Variants in CACNA2D4 observed in about 807,000 individuals in gnomAD.
CACNA2D4 encodes voltage-dependent calcium channel subunit alpha-2/delta-4.
In CACNA2D4, 157 loss-of-function variants were observed where a neutral mutation model predicts 163.8. The observed-to-expected ratio is 0.96, with a 90% CI of 0.84 to 1.09. The LOEUF (loss-of-function observed/expected upper bound fraction) is 1.09. CACNA2D4 is among the 50% of genes least tolerant of loss of function. The pLI is 0.00. For missense variants in CACNA2D4, 1,410 were observed against 1,479.9 expected (o/e 0.95, Z 0.78); for synonymous variants, 598 against 586.9 (o/e 1.02, Z -0.27).
intron 36 of CACNA2D4, 131 bp downstream of exon 36, chr12:1,795,537 A>T: frequency 1.1e-6 from 1 of 919,830 alleles, no homozygotes; most frequent in Non-Finnish European, 1.7e-6. Context: ...GGGTTAGAGA[A>T]CAAATAACGG....
chr12:1,914,260 C>A (rs1156651357), intron 2 of CACNA2D4, among the ~76,000 whole-genome samples: 1 of 152,218 alleles, frequency 6.6e-6, no homozygotes, highest in East Asian at 1.9e-4. Flanking sequence ...GAAGGGTGAG[C>A]TGCCATTGGA....
At chr12:1,827,096 G>T (rs1253866653) in intron 26 of CACNA2D4, among the ~76,000 whole-genome samples, 1 of 152,196 alleles carries the variant, frequency 6.6e-6, no homozygotes, top group African/African-American at 2.4e-5. Context: ...CGTGGAGGGC[G>T]AAGGAGAGGG....
chr12:1,809,304 G>T, intron 29 of CACNA2D4: 1 of 558,490 alleles, frequency 1.8e-6, no homozygotes, highest in Non-Finnish European at 3.1e-6. Flanking sequence ...CACATCCCAG[G>T]AACTTAGAGC....
chr12:1,858,631 G>A lies in CACNA2D4; in HGVS notation c.1954C>T (p.Leu652=). 1 of 1,606,834 alleles carries A rather than the reference G, an allele frequency of 6.2e-7. No individual in the cohort carries two copies. Among genetic ancestry groups the A allele is most frequent in the South Asian group, 1.1e-5 (1 of 89,976 alleles). The change falls in exon 20 of 38, where the codon CTG becomes TTG. Residue 652 remains leucine (L), a synonymous_variant. Transcript: ENST00000382722. Reference sequence around the variant, plus strand: ...ATGTATTCTCCGTGGCCCCGGGACAGCACCACCCCCAAACTGTGGGGAGAG... The same window carrying A: ...ATGTATTCTCCGTGGCCCCGGGACAACACCACCCCCAAACTGTGGGGAGAG... The part of the protein sequence containing the change: ...SDTPFSLGVV[L]SRGHGEYILL...
chr12:1,913,905 A>C (rs1866895112), intron 2 of CACNA2D4, among the ~76,000 whole-genome samples: 1 of 152,262 alleles, frequency 6.6e-6, no homozygotes, highest in Non-Finnish European at 1.5e-5. Flanking sequence ...GATTTTACAG[A>C]ATGTTTTTAC....
intron 20 of CACNA2D4, among the ~76,000 whole-genome samples, 198 bp from the exon 21 acceptor site, chr12:1,856,427 T>G (rs943401521): frequency 2.4e-4 from 36 of 152,252 alleles, no homozygotes; most frequent in African/African-American, 8.4e-4. Context: ...TCTCATTGTT[T>G]CATGTCCAAA....
chr12:1,860,505 G>C (rs1865500695), intron 18 of CACNA2D4, among the ~76,000 whole-genome samples: 1 of 152,234 alleles, frequency 6.6e-6, no homozygotes, highest in African/African-American at 2.4e-5. Context: ...GTGTGGCCAA[G>C]GAACTGAATT....
chr12:1,853,967 C>T lies in CACNA2D4; in HGVS notation c.2230G>A (p.Ala744Thr). 1 of 1,613,204 alleles carries T rather than the reference C, an allele frequency of 6.2e-7. No homozygotes were observed. The highest frequency in any genetic ancestry group is 8.5e-7 in the Non-Finnish European group (1 of 1,179,484). Residue 744 changes from alanine (A) to threonine (T), a missense_variant, in exon 23 of 38, where the codon GCC becomes ACC. Ala to Thr is a moderately conservative substitution (Grantham distance 58, BLOSUM62 0). Coordinates refer to ENST00000382722, the MANE Select transcript of CACNA2D4 (RefSeq NM_172364.5). ...APMEAYWTAL[A>T]LNMSEESEHV... ...TGGACCTACTCGGACATGTTGAGGG[C>T]CAGCGCTGTCCAGTAGGCTTCCATG... is the stretch of plus-strand genomic sequence containing the variant.
chr12:1,851,579 T>G (rs1341652098), intron 23 of CACNA2D4, among the ~76,000 whole-genome samples: 1 of 151,996 alleles, frequency 6.6e-6, no homozygotes, highest in Non-Finnish European at 1.5e-5. Context: ...TTTATAAACC[T>G]CAGAGGCTTT....
Position 1,829,702 on chromosome 12 carries a change from G to A in CACNA2D4, c.2551+11037C>T, listed in dbSNP as rs990532001. 4.1e-5 allele frequency among the ~76,000 whole-genome samples: 6 copies of A among 145,768 alleles called. No homozygotes were observed. Among genetic ancestry groups the A allele is most frequent in the Non-Finnish European group, 7.5e-5 (5 of 66,460 alleles). On this transcript the variant is annotated intron_variant, in intron 26 of 37. Coordinates refer to ENST00000382722, the MANE Select transcript of CACNA2D4 (RefSeq NM_172364.5). The surrounding 1 kb of genome is among the most constrained non-coding windows in gnomAD (Gnocchi z 4.2). ...AGCTCACAGCCCATCGGCCCACCCC[G>A]ACCTGGGACAGCCAGGTCCCAGGTC...
intron 26 of CACNA2D4, chr12:1,831,231 C>T: frequency 6.2e-7 from 1 of 1,613,864 alleles, no homozygotes; most frequent in Non-Finnish European, 8.5e-7. Flanking sequence ...GACTGAGCTT[C>T]AGCTGCGCAA....
chr12:1,841,224 G>A (rs887201531), intron 25 of CACNA2D4, among the ~76,000 whole-genome samples: 4 of 152,238 alleles, frequency 2.6e-5, no homozygotes, highest in Admixed American at 6.5e-5. Flanking sequence ...GTGAGTCTGC[G>A]TGAGTCAGGG....
rs181143444 is a variant in CACNA2D4, at chr12:1,839,968, C to T, written c.2551+771G>A. On this transcript the variant is annotated intron_variant, in intron 26 of 37. Transcript: ENST00000382722. ...ATGGTCCTCATTTATAAAATAGGCA[C>T]TGACAGTAATACCTACACTCTAAAA... is the stretch of plus-strand genomic sequence containing the variant. 1.2e-3 allele frequency among the ~76,000 whole-genome samples: 181 copies of T among 152,316 alleles called. 1 individual carries two copies. Among genetic ancestry groups the T allele is most frequent in the African/African-American group, 4.1e-3 (169 of 41,562 alleles).
intron 31 of CACNA2D4, chr12:1,800,643 T>G: frequency 1.6e-6 from 1 of 608,056 alleles, no homozygotes; most frequent in South Asian, 2.0e-5. Flanking sequence ...AGCTGGGAAA[T>G]GCCTATTGCA....
At position 1,793,532 on chromosome 12, in the gene CACNA2D4, T is replaced by C. The variant is rs188926382; in HGVS notation, c.*123A>G. On this transcript the variant is annotated 3_prime_UTR_variant, in exon 38 of 38. Coordinates refer to ENST00000382722, the MANE Select transcript of CACNA2D4 (RefSeq NM_172364.5). ...GGAGCCAGGGGCCACCAGCCCAGGA[T>C]TGAGAGGAGCGTTGGCCTGGGGGCG... 1.9e-3 allele frequency: 1,547 copies of C among 799,288 alleles called. 6 individuals are homozygous for C. The highest frequency in any genetic ancestry group is 2.3e-3 in the Non-Finnish European group (1,072 of 462,290). The allele number at this position is 799,288 out of a possible 1,614,324, so 49.5% of individuals were successfully genotyped here. A position where few individuals can be genotyped will look rare whatever the true frequency, so the allele number is the denominator to read the frequency against.
chr12:1,827,733 G>A (rs1005987247), intron 26 of CACNA2D4: 1 of 170,820 alleles, frequency 5.9e-6, no homozygotes, highest in Middle Eastern at 2.5e-3. Flanking sequence ...CTCAAGGAAT[G>A]CCCAGATGGG....
intron 4 of CACNA2D4, among the ~76,000 whole-genome samples, chr12:1,908,546 C>T (rs1866726284): frequency 6.6e-6 from 1 of 152,080 alleles, no homozygotes; most frequent in Non-Finnish European, 1.5e-5. Flanking sequence ...GGATTGCCTC[C>T]GGTGGAGCCC....
intron 6 of CACNA2D4, among the ~76,000 whole-genome samples, chr12:1,903,608 A>G (rs2154451514): frequency 6.6e-6 from 1 of 152,238 alleles, no homozygotes; most frequent in African/African-American, 2.4e-5. Flanking sequence ...GCAAACAGGT[A>G]TATAAAAAGA....
chr12:1,907,336 C>A lies in CACNA2D4; in HGVS notation c.781+104G>T, dbSNP rs118079515. 19 of 1,092,470 alleles carry A rather than the reference C, an allele frequency of 1.7e-5. No individual in the cohort carries two copies. In the East Asian group the frequency reaches 4.2e-4, roughly 24 times the overall value. The allele number at this position is 1,092,470 out of a possible 1,614,324, so 67.7% of individuals were successfully genotyped here. On this transcript the variant is annotated intron_variant, in intron 6 of 37. Coordinates refer to ENST00000382722, the MANE Select transcript of CACNA2D4 (RefSeq NM_172364.5). ...AGATGCTTTGGGATAGGAGGACCAG[C>A]CCCATTCACTGGGGACCTGAGTGCC... is the stretch of plus-strand genomic sequence containing the variant.
Sources: gnomAD v4.1 joint callset for allele counts (sites outside exome capture counted in the v4.1 genomes callset) on GRCh38, gnomAD v4.1.1 for gene constraint, Gnocchi (gnomAD v3.1) non-coding constraint, MANE v1.5 for transcripts, NCBI Gene and HGNC (gene_info 2026-07-23, HGNC 2026-07-21) for gene names.